The following AGAP1 variants were observed in gnomAD, a reference collection of about 807,000 sequenced individuals.
The protein encoded by AGAP1 is arf-GAP with GTPase, ANK repeat and PH domain-containing protein 1.
Under a neutral mutation model 105.3 loss-of-function variants are expected in AGAP1, and 29 were observed. That is an observed-to-expected ratio of 0.28 (90% confidence interval 0.21 to 0.38). AGAP1 has a LOEUF of 0.38. Ranked by LOEUF, AGAP1 falls within the 10% of genes least tolerant of loss-of-function variation. AGAP1 has a pLI of 1.00. For missense variants in AGAP1, 998 were observed against 1,165.1 expected, an observed-to-expected ratio of 0.86 and a Z score of 2.09; for synonymous variants, 509 against 485.9, an observed-to-expected ratio of 1.05 and a Z score of -0.63.
chr2:236,045,965 A>G lies in AGAP1; in HGVS notation c.1892-3094A>G. ...AGAGAATTCGGAGTCCGGCACAGGA[A>G]TGTGTCCCACGCATGAATGTCGTCC... On this transcript the variant is annotated intron_variant, in intron 15 of 17. Coordinates refer to ENST00000304032, the MANE Select transcript of AGAP1 (RefSeq NM_001037131.3). This position sits in a 1 kb window ranked among gnomAD's most constrained non-coding sequence, Gnocchi z 6.9. 1 of 471,738 alleles carries G rather than the reference A, an allele frequency of 2.1e-6. No individual in the cohort carries two copies. Among genetic ancestry groups the G allele is most frequent in the Non-Finnish European group, 4.4e-6 (1 of 227,156 alleles). 29.2% of individuals were successfully genotyped at this position (471,738 alleles called of 1,614,324 possible).
At chr2:235,584,902 CTTTTT>C (rs10629736) in intron 1 of AGAP1, among the ~76,000 whole-genome samples, 2 of 98,518 alleles carry the variant, frequency 2.0e-5, no homozygotes, top group East Asian at 3.3e-4. Flanking sequence ...AAGTCATTAC[CTTTTT>C]TTTTTTTTTT....
intron 1 of AGAP1, among the ~76,000 whole-genome samples, chr2:235,530,746 C>T (rs1481710202): frequency 6.6e-6 from 1 of 152,172 alleles, no homozygotes; most frequent in African/African-American, 2.4e-5. Context: ...GAATGATTTC[C>T]CTGTCTTAAA....
intron 13 of AGAP1, among the ~76,000 whole-genome samples, chr2:235,972,248 T>C (rs758762304): frequency 6.6e-5 from 10 of 152,378 alleles, no homozygotes; most frequent in African/African-American, 2.2e-4. Context: ...GTAAAGTAGT[T>C]GAATTTTATG....
chr2:236,098,639 T>TTTTTTTTTTTTTTTTTTTTGGG (rs1390073674), intron 16 of AGAP1, among the ~76,000 whole-genome samples: 1 of 113,478 alleles, frequency 8.8e-6, no homozygotes, highest in African/African-American at 3.0e-5. Context: ...TTTTTTTTTT[T>TTTTTTTTTTTTTTTTTTTTGGG]AGAGAAACAG....
In AGAP1 at chr2:236,126,354, C is replaced by T. The variant is rs968695524; in HGVS notation, c.*2232C>T. 1.6e-4 allele frequency: 25 copies of T among 152,316 alleles called. No homozygotes were observed. The highest frequency in any genetic ancestry group is 6.0e-4 in the African/African-American group (25 of 41,556). 9.4% of individuals were successfully genotyped at this position (152,316 alleles called of 1,614,324 possible). ...ACACACTCGCTCCACACAGCCTTCA[C>T]CGTAGACTCTGTAGTGGACACAGAT... On this transcript the variant is annotated 3_prime_UTR_variant, in exon 18 of 18. Coordinates refer to ENST00000304032, the MANE Select transcript of AGAP1 (RefSeq NM_001037131.3).
chr2:235,984,233 A>G (rs550175999), intron 13 of AGAP1, among the ~76,000 whole-genome samples: 1 of 152,286 alleles, frequency 6.6e-6, no homozygotes, highest in East Asian at 1.9e-4. Context: ...GTGTCTGTAC[A>G]CCATTCTTTT....
intron 1 of AGAP1, among the ~76,000 whole-genome samples, chr2:235,603,860 TCTTACCGCA>T (rs1317415980): frequency 6.6e-6 from 1 of 152,160 alleles, no homozygotes; most frequent in Non-Finnish European, 1.5e-5. Flanking sequence ...GTTAGGTGGG[TCTTACCGCA>T]TTTGTCAGAA....
intron 6 of AGAP1, among the ~76,000 whole-genome samples, chr2:235,795,868 C>T (rs867363841): frequency 3.3e-5 from 5 of 152,330 alleles, no homozygotes; most frequent in Non-Finnish European, 5.9e-5. Context: ...TACTCATGAA[C>T]TGACTCTTCC....
chr2:236,102,877 G>A (rs769998373), intron 16 of AGAP1, among the ~76,000 whole-genome samples: 8 of 152,210 alleles, frequency 5.3e-5, no homozygotes, highest in Non-Finnish European at 8.8e-5. Flanking sequence ...TTTGCCTTTC[G>A]CTAATAGTGT....
intron 1 of AGAP1, among the ~76,000 whole-genome samples, chr2:235,658,451 TC>T (rs569389590): frequency 8.2e-4 from 125 of 152,298 alleles, no homozygotes; most frequent in South Asian, 3.9e-3. Flanking sequence ...AGTGAGTATT[TC>T]CGTATTAGCA....
chr2:236,049,579 A>T (rs951820665), intron 16 of AGAP1: 4 of 252,852 alleles, frequency 1.6e-5, no homozygotes, highest in Non-Finnish European at 3.1e-5. Flanking sequence ...TACATTTCTA[A>T]TAGGCATAAG....
At chr2:235,838,849 C>CT (rs367945501) in intron 9 of AGAP1, among the ~76,000 whole-genome samples, 166 of 148,058 alleles carry the variant, frequency 1.1e-3, no homozygotes, top group African/African-American at 2.6e-3. Context: ...TGATTAAAGA[C>CT]TTTTTTTTTT....
rs757894903 is a variant in AGAP1, at chr2:236,119,837, C to T, written c.2115-355C>T. 6.6e-6 allele frequency among the ~76,000 whole-genome samples: 1 copy of T among 152,122 alleles called. No individual in the cohort carries two copies. The highest frequency in any genetic ancestry group is 1.5e-5 in the Non-Finnish European group (1 of 68,026). On this transcript the variant is annotated intron_variant, in intron 16 of 17. Coordinates refer to ENST00000304032, the MANE Select transcript of AGAP1 (RefSeq NM_001037131.3). The surrounding 1 kb of genome is among the most constrained non-coding windows in gnomAD (Gnocchi z 6.6). ...TTTCTTTCCAAGGACAGCTTCTACA[C>T]TAAAAGTGACAGAAGCAGCACCAAG...
chr2:235,513,235 C>T (rs927431071), intron 1 of AGAP1, among the ~76,000 whole-genome samples: 10 of 133,062 alleles, frequency 7.5e-5, no homozygotes, highest in African/African-American at 2.0e-4. Flanking sequence ...ATGCAGATCA[C>T]TGTGCCGGGC....
chr2:235,576,066 G>T (rs1265104251), intron 1 of AGAP1, among the ~76,000 whole-genome samples: 2 of 152,202 alleles, frequency 1.3e-5, no homozygotes, highest in African/African-American at 2.4e-5. Context: ...ATAAGCCGCT[G>T]TGTGGCAGAG....
intron 1 of AGAP1, among the ~76,000 whole-genome samples, chr2:235,686,643 A>ATATG (rs1949439017): frequency 2.6e-5 from 1 of 39,136 alleles, no homozygotes; most frequent in African/African-American, 1.3e-4. Flanking sequence ...ATATATATAT[A>ATATG]TAGATATATA....
chr2:235,985,166 C>T (rs937685671), intron 13 of AGAP1, among the ~76,000 whole-genome samples: 4 of 152,214 alleles, frequency 2.6e-5, no homozygotes, highest in African/African-American at 9.6e-5. Context: ...GAGATGGTAT[C>T]TCACTGTGGT....
At chr2:235,757,546 C>T (rs200931613) in intron 6 of AGAP1, among the ~76,000 whole-genome samples, 1 of 152,212 alleles carries the variant, frequency 6.6e-6, no homozygotes, top group East Asian at 1.9e-4. Context: ...CTCATTGCCC[C>T]TGGCTTTTTA....
In AGAP1 at chr2:235,961,389, C is replaced by G. The variant is rs1225289808; in HGVS notation, c.1484-7073C>G. On this transcript the variant is annotated intron_variant, in intron 12 of 17. Coordinates refer to ENST00000304032, the MANE Select transcript of AGAP1 (RefSeq NM_001037131.3). This position sits in a 1 kb window ranked among gnomAD's most constrained non-coding sequence, Gnocchi z 5.9. Reference sequence around the variant, plus strand: ...ATGAGCTGTGTGGATGCTGCTGAGACTGGTGTGACTGCTTTGAGCCTTGTC... The same window carrying G: ...ATGAGCTGTGTGGATGCTGCTGAGAGTGGTGTGACTGCTTTGAGCCTTGTC... Among the ~76,000 whole-genome samples, 1 of 152,232 alleles carries G rather than the reference C, an allele frequency of 6.6e-6. No homozygotes were observed. Among genetic ancestry groups the G allele is most frequent in the Non-Finnish European group, 1.5e-5 (1 of 68,034 alleles).
Sources: gnomAD v4.1 joint callset for allele counts (sites outside exome capture counted in the v4.1 genomes callset) on GRCh38, gnomAD v4.1.1 for gene constraint, Gnocchi (gnomAD v3.1) non-coding constraint, MANE v1.5 for transcripts, NCBI Gene and HGNC (gene_info 2026-07-23, HGNC 2026-07-21) for gene names.